The following PLEK variants were observed in gnomAD, a reference collection of about 807,000 sequenced individuals.
PLEK encodes the protein platelet 47 kDa protein.
In PLEK, 25 loss-of-function variants were observed where a neutral mutation model predicts 43.9. That is an observed-to-expected ratio of 0.57 (90% confidence interval 0.41 to 0.79). The LOEUF (loss-of-function observed/expected upper bound fraction) is 0.79, where lower values mean the gene tolerates loss of function less well. Ranked by LOEUF, PLEK falls within the 30% of genes least tolerant of loss-of-function variation. PLEK has a pLI of 0.00. For missense variants in PLEK, 396 were observed against 413.3 expected (o/e 0.96, Z 0.36); for synonymous variants, 152 against 144.4 (o/e 1.05, Z -0.38).
chr2:68,381,295 A>G (rs10496163), intron 3 of PLEK, among the ~76,000 whole-genome samples: 3,534 of 152,306 alleles, frequency 0.023, 69 homozygotes, highest in Admixed American at 0.069. Flanking sequence ...AAGTTCATTC[A>G]TTTACACACT....
chr2:68,373,624 A>C (rs1673450536), intron 1 of PLEK, among the ~76,000 whole-genome samples: 1 of 152,078 alleles, frequency 6.6e-6, no homozygotes. Flanking sequence ...CATATTGGAC[A>C]GTTGGCTCCA....
At chr2:68,375,472 G>A (rs758772657) in intron 1 of PLEK, among the ~76,000 whole-genome samples, 1 of 152,208 alleles carries the variant, frequency 6.6e-6, no homozygotes, top group Non-Finnish European at 1.5e-5. Context: ...ATTATTTCAT[G>A]TGTTGGCACA....
At position 68,378,296 on chromosome 2, in the gene PLEK, G is replaced by A. The variant is rs76976703; in HGVS notation, c.43-2032G>A. On this transcript the variant is annotated intron_variant, in intron 1 of 8. Coordinates refer to ENST00000234313, the MANE Select transcript of PLEK (RefSeq NM_002664.3). ...TGACATGAGGCTCAAATGTAGGTTC[G>A]AGTTTTGACCCCAAATCATAGCATA... 7.2e-3 allele frequency among the ~76,000 whole-genome samples: 1,099 copies of A among 152,218 alleles called. 10 individuals are homozygous for A. The highest frequency in any genetic ancestry group is 0.025 in the African/African-American group (1,057 of 41,526).
intron 4 of PLEK, among the ~76,000 whole-genome samples, chr2:68,384,650 A>T (rs376828607): frequency 6.6e-6 from 1 of 152,196 alleles, no homozygotes; most frequent in African/African-American, 2.4e-5. Flanking sequence ...GGGACCCAGC[A>T]GTACTGACAC....
chr2:68,393,011 G>T, intron 6 of PLEK, 151 bp from the exon 7 acceptor site: 1 of 662,718 alleles, frequency 1.5e-6, no homozygotes, highest in Non-Finnish European at 2.8e-6. Context: ...CCCTGACAAA[G>T]ACCTAGGCCG....
intron 1 of PLEK, among the ~76,000 whole-genome samples, chr2:68,368,846 C>T (rs1673335575): frequency 6.6e-6 from 1 of 152,220 alleles, no homozygotes; most frequent in South Asian, 2.1e-4. Flanking sequence ...CTTGGCGCAG[C>T]AGCGCTGACT....
Position 68,382,350 on chromosome 2 carries a change from G to A in PLEK, c.381-192G>A, listed in dbSNP as rs527240462. On this transcript the variant is annotated intron_variant, in intron 3 of 8. Coordinates refer to ENST00000234313, the MANE Select transcript of PLEK (RefSeq NM_002664.3). ...TGCTAAACGCTGTGCAGGCTACAGA[G>A]TTATGCAGATATGAATGTTGCCCCT... is the stretch of plus-strand genomic sequence containing the variant. Among the ~76,000 whole-genome samples the A allele has an allele frequency of 3.9e-5, 6 of 152,336 alleles. No individual in the cohort carries two copies. In the East Asian group the frequency reaches 7.7e-4, roughly 20 times the overall value.
chr2:68,371,298 A>G (rs926355226), intron 1 of PLEK, among the ~76,000 whole-genome samples: 1 of 152,200 alleles, frequency 6.6e-6, no homozygotes, highest in African/African-American at 2.4e-5. Context: ...CCTCAAAACA[A>G]TCCAGGCATT....
chr2:68,366,253 T>C (rs550389015), intron 1 of PLEK, among the ~76,000 whole-genome samples: 1 of 152,358 alleles, frequency 6.6e-6, no homozygotes, highest in South Asian at 2.1e-4. Flanking sequence ...CTTAGCTTTT[T>C]AGTTGAATGA....
At chr2:68,390,482 C>T (rs1436748349) in intron 6 of PLEK, among the ~76,000 whole-genome samples, 1 of 152,152 alleles carries the variant, frequency 6.6e-6, no homozygotes, top group African/African-American at 2.4e-5. Flanking sequence ...TACGTGCATT[C>T]AGGAATTTTG....
intron 5 of PLEK, chr2:68,387,908 CT>C (rs1553358418): frequency 6.5e-6 from 1 of 153,274 alleles, no homozygotes; most frequent in Non-Finnish European, 1.5e-5. Flanking sequence ...GCAAGTCCCA[CT>C]TCCCTCATAA....
chr2:68,380,220 A>G, intron 1 of PLEK, 108 bp from the exon 2 acceptor site: 1 of 887,950 alleles, frequency 1.1e-6, no homozygotes. Context: ...GATGTCACCA[A>G]ACATTTTAAA....
chr2:68,390,581 G>A (rs1673839177), intron 6 of PLEK, among the ~76,000 whole-genome samples: 1 of 152,086 alleles, frequency 6.6e-6, no homozygotes, highest in Non-Finnish European at 1.5e-5. Context: ...TCCCCTTAAT[G>A]TTTCTAATCT....
chr2:68,393,278 T>A (rs17602092), intron 7 of PLEK, 33 bp downstream of exon 7: 378,339 of 1,333,692 alleles, frequency 0.28, 56,773 homozygotes, highest in Middle Eastern at 0.31. Context: ...TCCATTCAAA[T>A]AAATAAATCC....
At position 68,388,251 on chromosome 2, in the gene PLEK, G is replaced by A; in HGVS notation, c.658-136G>A. On this transcript the variant is annotated intron_variant, in intron 5 of 8. Transcript: ENST00000234313. ...GCTCATCAAGGACCTTTGAAGTTCA[G>A]ATTGGGATGTACACAGGAATGGAGG... 6.6e-6 allele frequency: 4 copies of A among 605,888 alleles called. No homozygotes were observed. In the South Asian group the frequency reaches 8.0e-5, roughly 12 times the overall value. The allele number at this position is 605,888 out of a possible 1,614,324, so 37.5% of individuals were successfully genotyped here. A position where few individuals can be genotyped will look rare whatever the true frequency, so the allele number is the denominator to read the frequency against.
chr2:68,382,432 G>C (rs533176486), intron 3 of PLEK, 110 bp from the exon 4 acceptor site: 8 of 647,204 alleles, frequency 1.2e-5, no homozygotes, highest in South Asian at 5.6e-5. Context: ...TGGGGTGGGG[G>C]AGCTTGTGCT....
At chr2:68,371,527 C>T (rs1487347023) in intron 1 of PLEK, among the ~76,000 whole-genome samples, 1 of 152,200 alleles carries the variant, frequency 6.6e-6, no homozygotes, top group Non-Finnish European at 1.5e-5. Context: ...ATGCCAATTA[C>T]TGATTTAAGC....
intron 1 of PLEK, among the ~76,000 whole-genome samples, chr2:68,370,623 C>T (rs934817689): frequency 7.2e-5 from 11 of 152,100 alleles, no homozygotes; most frequent in Non-Finnish European, 1.6e-4. Flanking sequence ...GTAACTGGGA[C>T]TACAGGCATG....
chr2:68,367,140 G>C (rs1673291630), intron 1 of PLEK, among the ~76,000 whole-genome samples: 1 of 151,956 alleles, frequency 6.6e-6, no homozygotes, highest in Admixed American at 6.6e-5. Flanking sequence ...TGTATTGATA[G>C]TTTTACAATT....
Sources: gnomAD v4.1 joint callset for allele counts (sites outside exome capture counted in the v4.1 genomes callset) on GRCh38, gnomAD v4.1.1 for gene constraint, MANE v1.5 for transcripts, NCBI Gene and HGNC (gene_info 2026-07-23, HGNC 2026-07-21) for gene names.